The following RGS7 variants were observed in gnomAD, a reference collection of about 807,000 sequenced individuals.
The protein encoded by RGS7 is regulator of G protein signaling 7.
A neutral mutation model predicts 81.1 loss-of-function variants in RGS7; 27 were observed. The ratio of observed to expected loss-of-function variants is 0.33; its 90% confidence interval spans 0.25 to 0.46. The LOEUF (loss-of-function observed/expected upper bound fraction) is 0.46. Ranked by LOEUF, RGS7 falls within the 20% of genes least tolerant of loss-of-function variation. The pLI is 1.00. For missense variants in RGS7, 396 were observed against 607.4 expected (o/e 0.65, Z 3.66); for synonymous variants, 208 against 207.7 (o/e 1.00, Z -0.01).
chr1:240,827,249 C>T (rs968440864), intron 9 of RGS7, 77 bp from the exon 10 acceptor site: 1 of 1,148,780 alleles, frequency 8.7e-7, no homozygotes. Flanking sequence ...GAATGGCTCG[C>T]TCTCCAGAGC....
intron 2 of RGS7, among the ~76,000 whole-genome samples, chr1:241,185,886 G>A (rs1036847201): frequency 2.0e-5 from 3 of 151,956 alleles, no homozygotes; most frequent in African/African-American, 7.3e-5. Context: ...TTTTAAAAGA[G>A]CATCTAAGTT....
chr1:240,838,849 C>A (rs374367626), intron 9 of RGS7, among the ~76,000 whole-genome samples: 24 of 152,098 alleles, frequency 1.6e-4, no homozygotes, highest in Admixed American at 9.8e-4. Context: ...TCACCGCAAG[C>A]TCCGCCTCCT....
intron 4 of RGS7, among the ~76,000 whole-genome samples, chr1:240,977,091 T>TACACACACACACAC (rs60732630): frequency 3.0e-5 from 4 of 133,722 alleles, no homozygotes; most frequent in African/African-American, 1.1e-4. Context: ...TATCCATCTG[T>TACACACACACACAC]ACACACACAC....
chr1:241,129,887 A>G (rs7545872), intron 2 of RGS7, among the ~76,000 whole-genome samples: 17,860 of 152,216 alleles, frequency 0.12, 3,460 homozygotes, highest in African/African-American at 0.4. Context: ...GTAATCAACC[A>G]AAGTGCATCT....
intron 6 of RGS7, among the ~76,000 whole-genome samples, chr1:240,880,791 T>A (rs1420531849): frequency 6.6e-6 from 1 of 152,208 alleles, no homozygotes; most frequent in Non-Finnish European, 1.5e-5. Flanking sequence ...CCCTTCCATT[T>A]GGCTAAATTT....
chr1:240,950,780 G>T (rs530115838), intron 4 of RGS7, among the ~76,000 whole-genome samples: 6 of 152,200 alleles, frequency 3.9e-5, no homozygotes, highest in African/African-American at 1.4e-4. Context: ...AAAAATAAAA[G>T]CACTAGAGGA....
intron 2 of RGS7, among the ~76,000 whole-genome samples, chr1:241,282,840 T>G (rs1042951539): frequency 6.6e-6 from 1 of 152,214 alleles, no homozygotes; most frequent in Non-Finnish European, 1.5e-5. Context: ...TTTTTCCTCT[T>G]TAGCTTTCTA....
At chr1:241,225,548 T>C (rs1012649667) in intron 2 of RGS7, among the ~76,000 whole-genome samples, 3 of 152,192 alleles carry the variant, frequency 2.0e-5, no homozygotes, top group Middle Eastern at 3.2e-3. Flanking sequence ...TCACAAATAC[T>C]GGCTGGATGA....
chr1:240,857,872 TAGTG>T, intron 9 of RGS7, among the ~76,000 whole-genome samples: 1 of 152,120 alleles, frequency 6.6e-6, no homozygotes, highest in Non-Finnish European at 1.5e-5. Flanking sequence ...GTTCTCATGA[TAGTG>T]AGTGAGTTCT....
intron 4 of RGS7, among the ~76,000 whole-genome samples, chr1:240,949,346 C>A (rs1199532625): frequency 6.6e-6 from 1 of 152,096 alleles, no homozygotes; most frequent in Non-Finnish European, 1.5e-5. Context: ...ATTTCTTCAG[C>A]CATTCACCTG....
intron 18 of RGS7, among the ~76,000 whole-genome samples, chr1:240,789,669 C>T (rs1685653210): frequency 6.6e-6 from 1 of 152,192 alleles, no homozygotes; most frequent in South Asian, 2.1e-4. Flanking sequence ...GAGGAAATTA[C>T]TGCCTAATAA....
intron 6 of RGS7, among the ~76,000 whole-genome samples, chr1:240,890,383 C>T (rs1572622831): frequency 1.3e-5 from 2 of 152,090 alleles, no homozygotes; most frequent in East Asian, 1.9e-4. Context: ...GATCTCTTGA[C>T]CTTGTGATCC....
At chr1:241,345,028 T>C (rs1558342457) in intron 2 of RGS7, among the ~76,000 whole-genome samples, 1 of 152,226 alleles carries the variant, frequency 6.6e-6, no homozygotes, top group Non-Finnish European at 1.5e-5. Flanking sequence ...ATGTGGTACA[T>C]ACACATCATG....
At chr1:241,303,626 T>G (rs2079906876) in intron 2 of RGS7, among the ~76,000 whole-genome samples, 1 of 152,202 alleles carries the variant, frequency 6.6e-6, no homozygotes, top group African/African-American at 2.4e-5. Flanking sequence ...GTCTGAATAG[T>G]GATCAAAATA....
intron 3 of RGS7, among the ~76,000 whole-genome samples, chr1:241,025,513 C>A (rs2059739116): frequency 6.6e-6 from 1 of 152,172 alleles, no homozygotes; most frequent in South Asian, 2.1e-4. Flanking sequence ...CCACCACCTC[C>A]AGATTCAAGC....
At chr1:240,794,807 G>A (rs186115422) in intron 18 of RGS7, among the ~76,000 whole-genome samples, 19 of 136,546 alleles carry the variant, frequency 1.4e-4, no homozygotes, top group African/African-American at 4.7e-4. Context: ...ATGCAGAGGG[G>A]AGTTCCCAGA....
intron 3 of RGS7, among the ~76,000 whole-genome samples, chr1:241,074,082 G>A (rs1465871962): frequency 1.3e-5 from 2 of 152,028 alleles, no homozygotes; most frequent in African/African-American, 2.4e-5. Flanking sequence ...TGTATTTTTA[G>A]TAGAGATGGG....
Position 241,286,754 on chromosome 1 carries a change from T to C in RGS7, c.78+68945A>G, listed in dbSNP as rs143813650. Among the ~76,000 whole-genome samples, 738 of 152,304 alleles carry C rather than the reference T, an allele frequency of 4.8e-3. 5 individuals carry two copies. The highest frequency in any genetic ancestry group is 6.9e-3 in the Non-Finnish European group (472 of 68,028). On this transcript the variant is annotated intron_variant, in intron 2 of 18. Coordinates refer to ENST00000440928, the MANE Select transcript of RGS7 (RefSeq NM_001364886.1). ...CAACTATAGTAATTTTCCAGAAGTC[T>C]CTGGTTATGCCACACTGCTCAAGGA...
At chr1:241,017,485 A>G (rs964952120) in intron 3 of RGS7, among the ~76,000 whole-genome samples, 1 of 150,614 alleles carries the variant, frequency 6.6e-6, no homozygotes, top group African/African-American at 2.4e-5. Context: ...ATTTAACTTT[A>G]CCTTCAATTA....
Sources: gnomAD v4.1 joint callset for allele counts (sites outside exome capture counted in the v4.1 genomes callset) on GRCh38, gnomAD v4.1.1 for gene constraint, MANE v1.5 for transcripts, NCBI Gene and HGNC (gene_info 2026-07-23, HGNC 2026-07-21) for gene names.